The following ADAMTS2 variants were observed in gnomAD, a reference collection of about 807,000 sequenced individuals.
ADAMTS2 encodes the protein ADAM metallopeptidase with thrombospondin type 1 motif 2.
Under a neutral mutation model 123.0 loss-of-function variants are expected in ADAMTS2, and 50 were observed. That is an observed-to-expected ratio of 0.41 (90% CI 0.32 to 0.51). The LOEUF is 0.51. Among genes scored for constraint, ADAMTS2 ranks in the 20% least tolerant of loss-of-function variants. The probability of loss-of-function intolerance (pLI) is 0.35; values close to 1 mark genes in which losing one functional copy is unlikely to be tolerated. For missense variants in ADAMTS2, 1,494 were observed against 1,705.2 expected (o/e 0.88, Z 2.18); for synonymous variants, 678 against 695.4 (o/e 0.98, Z 0.39).
chr5:179,161,262 T>C (rs1561784087), intron 5 of ADAMTS2, among the ~76,000 whole-genome samples: 3 of 152,082 alleles, frequency 2.0e-5, no homozygotes, highest in Non-Finnish European at 4.4e-5. Flanking sequence ...GAATGTCCCT[T>C]CTCACTGTCT....
intron 3 of ADAMTS2, among the ~76,000 whole-genome samples, chr5:179,251,466 G>A (rs1033143768): frequency 3.3e-5 from 5 of 152,124 alleles, no homozygotes; most frequent in Non-Finnish European, 7.4e-5. Flanking sequence ...CTGCAGATGA[G>A]AGTCAGAAAC....
At position 179,185,844 on chromosome 5, in the gene ADAMTS2, G is replaced by A. The variant is rs1294292929; in HGVS notation, c.892-4689C>T. On this transcript the variant is annotated intron_variant, in intron 4 of 21. Transcript: ENST00000251582. The surrounding 1 kb of genome is among the most constrained non-coding windows in gnomAD (Gnocchi z 5.9). ...GCCTCTGGAAGCCTCAGATGGTTCGGAGATTAACTGGGGCTCCCTGGCTGC... is the reference window on the plus strand; with the variant it reads ...GCCTCTGGAAGCCTCAGATGGTTCGAAGATTAACTGGGGCTCCCTGGCTGC... Among the ~76,000 whole-genome samples, 2 of 152,036 alleles carry A rather than the reference G, an allele frequency of 1.3e-5. No homozygotes were observed. The highest frequency in any genetic ancestry group is 1.3e-4 in the Admixed American group (2 of 15,272).
chr5:179,146,849 G>T lies in ADAMTS2; in HGVS notation c.1629+5293C>A, dbSNP rs1763258061. On this transcript the variant is annotated intron_variant, in intron 10 of 21. Coordinates refer to ENST00000251582, the MANE Select transcript of ADAMTS2 (RefSeq NM_014244.5). Reference sequence around the variant, plus strand: ...CTTTCTAATAAATAAATTAGAAAATGATAAAAGGTATATTTGATACATATA... The same window carrying T: ...CTTTCTAATAAATAAATTAGAAAATTATAAAAGGTATATTTGATACATATA... Among the ~76,000 whole-genome samples, 5 of 152,066 alleles carry T rather than the reference G, an allele frequency of 3.3e-5. No homozygotes were observed. In the South Asian group the frequency reaches 1.0e-3, roughly 31 times the overall value.
chr5:179,214,096 A>G (rs1764920336), intron 3 of ADAMTS2, among the ~76,000 whole-genome samples: 1 of 152,082 alleles, frequency 6.6e-6, no homozygotes, highest in African/African-American at 2.4e-5. Flanking sequence ...CACAGTCACC[A>G]TTACTGAGAC....
intron 2 of ADAMTS2, among the ~76,000 whole-genome samples, chr5:179,278,803 C>G (rs777136128): frequency 6.6e-6 from 1 of 151,828 alleles, no homozygotes; most frequent in Non-Finnish European, 1.5e-5. Flanking sequence ...GTCAAGTTGC[C>G]GGCATTCAGA....
Position 179,114,127 on chromosome 5 carries a change from G to T in ADAMTS2, c.3376C>A (p.Pro1126Thr), listed in dbSNP as rs557070498. ...GGCCGCACCTCCATGGCTACAGTGG[G>T]CACTGGGAGGGTAGGCATGAACACG... ...IDVFMPTLPV[P>T]TVAMEVRPSP... Residue 1126 changes from proline to threonine, a missense_variant, in exon 22 of 22, where the codon CCC becomes ACC. By Grantham distance (38) the Pro-to-Thr change is conservative (BLOSUM62 -1). Coordinates refer to ENST00000251582, the MANE Select transcript of ADAMTS2 (RefSeq NM_014244.5). 6.2e-6 allele frequency: 10 copies of T among 1,614,044 alleles called. No individual in the cohort carries two copies. In the African/African-American group the frequency reaches 1.2e-4, roughly 19 times the overall value.
chr5:179,318,942 G>A (rs1190376157), intron 2 of ADAMTS2, among the ~76,000 whole-genome samples: 5 of 152,218 alleles, frequency 3.3e-5, no homozygotes, highest in East Asian at 1.9e-4. Flanking sequence ...GGCAAGGGGC[G>A]TGTGTGCCAT....
Position 179,170,404 on chromosome 5 carries a change from G to T in ADAMTS2, c.975+10668C>A, listed in dbSNP as rs1763790990. On this transcript the variant is annotated intron_variant, in intron 5 of 21. Coordinates refer to ENST00000251582, the MANE Select transcript of ADAMTS2 (RefSeq NM_014244.5). This position sits in a 1 kb window ranked among gnomAD's most constrained non-coding sequence, Gnocchi z 4.3. Reference sequence around the variant, plus strand: ...CCAGAGTCTGTCCCCACCGTGGGGGGGACAGCTCAGCCCCCTCCTGACTGC... The same window carrying T: ...CCAGAGTCTGTCCCCACCGTGGGGGTGACAGCTCAGCCCCCTCCTGACTGC... Among the ~76,000 whole-genome samples, 1 of 152,074 alleles carries T rather than the reference G, an allele frequency of 6.6e-6. No individual in the cohort carries two copies. Among genetic ancestry groups the T allele is most frequent in the African/African-American group, 2.4e-5 (1 of 41,394 alleles).
chr5:179,119,459 G>A (rs1439882201), intron 21 of ADAMTS2, among the ~76,000 whole-genome samples: 1 of 152,214 alleles, frequency 6.6e-6, no homozygotes, highest in Non-Finnish European at 1.5e-5. Flanking sequence ...GACTTCCATG[G>A]GCAGGACACA....
intron 4 of ADAMTS2, among the ~76,000 whole-genome samples, chr5:179,199,770 C>A (rs2113356763): frequency 6.6e-6 from 1 of 152,318 alleles, no homozygotes; most frequent in Middle Eastern, 3.4e-3. Flanking sequence ...GCCTGAGGCA[C>A]CCATCAGGGA....
chr5:179,293,936 T>C (rs565193053), intron 2 of ADAMTS2, among the ~76,000 whole-genome samples: 32 of 152,170 alleles, frequency 2.1e-4, no homozygotes, highest in Admixed American at 1.3e-3. Flanking sequence ...TTTTTTTGTT[T>C]TTTTGTTTTT....
At chr5:179,319,232 A>G (rs1757088767) in intron 2 of ADAMTS2, among the ~76,000 whole-genome samples, 1 of 152,220 alleles carries the variant, frequency 6.6e-6, no homozygotes, top group South Asian at 2.1e-4. Context: ...ATCTCCTGTG[A>G]CACATGCATC....
intron 20 of ADAMTS2, 114 bp from the exon 21 acceptor site, chr5:179,121,864 G>C (rs1180459879): frequency 1.5e-6 from 1 of 654,412 alleles, no homozygotes; most frequent in East Asian, 3.0e-5. Flanking sequence ...CAAGGCCCTC[G>C]CCTCCCCGGG....
rs967598648 is a variant in ADAMTS2 at position 179,332,217 on chromosome 5, G to A, written c.534+11550C>T. Among the ~76,000 whole-genome samples, 5 of 152,212 alleles carry A rather than the reference G, an allele frequency of 3.3e-5. No homozygotes were observed. Among genetic ancestry groups the A allele is most frequent in the African/African-American group, 1.2e-4 (5 of 41,450 alleles). On this transcript the variant is annotated intron_variant, in intron 2 of 21. Coordinates refer to ENST00000251582, the MANE Select transcript of ADAMTS2 (RefSeq NM_014244.5). This position sits in a 1 kb window ranked among gnomAD's most constrained non-coding sequence, Gnocchi z 4.2. ...CAACCCAGGAACAGCTGCATGGGAG[G>A]GATGGGCAGGGCAAGGTAACGGGAA...
intron 4 of ADAMTS2, among the ~76,000 whole-genome samples, chr5:179,203,567 C>T (rs527925274): frequency 2.6e-4 from 39 of 152,302 alleles, no homozygotes; most frequent in East Asian, 3.9e-4. Context: ...AGACAGGGCA[C>T]GGTAGGCAGA....
chr5:179,236,740 G>A (rs537222679), intron 3 of ADAMTS2, among the ~76,000 whole-genome samples: 17 of 152,290 alleles, frequency 1.1e-4, no homozygotes, highest in Admixed American at 8.5e-4. Context: ...GCAGTAAGCC[G>A]AGTCCATGCT....
At chr5:179,341,195 A>G (rs2127462459) in intron 2 of ADAMTS2, 2 of 192,218 alleles carry the variant, frequency 1.0e-5, no homozygotes, top group South Asian at 1.4e-4. Context: ...ATTTAACAGT[A>G]GGACAGACAC....
In ADAMTS2 at chr5:179,228,407, T is replaced by C. The variant is rs1216223293; in HGVS notation, c.689-20692A>G. On this transcript the variant is annotated intron_variant, in intron 3 of 21. Coordinates refer to ENST00000251582, the MANE Select transcript of ADAMTS2 (RefSeq NM_014244.5). This position sits in a 1 kb window ranked among gnomAD's most constrained non-coding sequence, Gnocchi z 5.2. The stretch of plus-strand genomic sequence containing the variant: ...GTCTGGGCACCAGCCTGTTTTCTTG[T>C]CCTCTCCAGCCAGCAGGGCAGAATT... 6.7e-6 allele frequency among the ~76,000 whole-genome samples: 1 copy of C among 148,970 alleles called. No homozygotes were observed. Among genetic ancestry groups the C allele is most frequent in the Non-Finnish European group, 1.5e-5 (1 of 66,086 alleles).
chr5:179,119,675 G>A (rs1200802157), intron 21 of ADAMTS2, among the ~76,000 whole-genome samples: 2 of 152,200 alleles, frequency 1.3e-5, no homozygotes, highest in Non-Finnish European at 2.9e-5. Context: ...ACCTGAGCCG[G>A]ATGGGCACCT....
Sources: allele counts gnomAD v4.1 joint callset (sites outside exome capture counted in the v4.1 genomes callset), GRCh38; gene constraint gnomAD v4.1.1; non-coding constraint Gnocchi (gnomAD v3.1); transcripts MANE v1.5; gene names NCBI Gene and HGNC (gene_info 2026-07-23, HGNC 2026-07-21).